The following PHLDB2 variants were observed in gnomAD, a reference collection of about 807,000 sequenced individuals.
The protein encoded by PHLDB2 is pleckstrin homology like domain family B member 2, also known as pleckstrin homology-like domain family B member 2.
Under a neutral mutation model 123.6 loss-of-function variants are expected in PHLDB2, and 71 were observed. The ratio of observed to expected loss-of-function variants is 0.57; its 90% confidence interval spans 0.47 to 0.70. The LOEUF (loss-of-function observed/expected upper bound fraction) is 0.70. Among genes scored for constraint, PHLDB2 ranks in the 30% least tolerant of loss-of-function variants. The pLI is 0.00. For missense variants in PHLDB2, 1,446 were observed against 1,519.5 expected, an observed-to-expected ratio of 0.95 and a Z score of 0.80; for synonymous variants, 547 against 541.6, an observed-to-expected ratio of 1.01 and a Z score of -0.14.
chr3:111,925,131 CA>C (rs1481151329), intron 5 of PHLDB2, among the ~76,000 whole-genome samples: 3 of 152,174 alleles, frequency 2.0e-5, no homozygotes, highest in Non-Finnish European at 2.9e-5. Context: ...GCCCAGACAT[CA>C]GCATTCAAAT....
At chr3:111,764,400 A>G (rs2060043690) in intron 1 of PHLDB2, among the ~76,000 whole-genome samples, 1 of 152,228 alleles carries the variant, frequency 6.6e-6, no homozygotes, top group South Asian at 2.1e-4. Flanking sequence ...AGTACATGGT[A>G]AACTAGCACG....
At position 111,975,073 on chromosome 3, in the gene PHLDB2, T is replaced by A. The variant is rs899406891; in HGVS notation, c.*510T>A. On this transcript the variant is annotated 3_prime_UTR_variant, in exon 18 of 18. Transcript: ENST00000431670. ...TAGGAGGAGTTTTGCCTTAATTTTT[T>A]AAGTACTGCACCAAAACCAAAGAGC... is the stretch of plus-strand genomic sequence containing the variant. The A allele has an allele frequency of 6.6e-6, 1 of 152,648 alleles. No individual in the cohort carries two copies. The highest frequency in any genetic ancestry group is 2.1e-4 in the South Asian group (1 of 4,832). The allele number at this position is 152,648 out of a possible 1,614,324, so 9.5% of individuals were successfully genotyped here. A position where few individuals can be genotyped will look rare whatever the true frequency, so the allele number is the denominator to read the frequency against.
At chr3:111,930,471 G>T (rs985016026) in intron 5 of PHLDB2, among the ~76,000 whole-genome samples, 2 of 152,090 alleles carry the variant, frequency 1.3e-5, no homozygotes, top group Non-Finnish European at 2.9e-5. Context: ...AAACTCTGGT[G>T]ATGCAGTACC....
intron 1 of PHLDB2, among the ~76,000 whole-genome samples, chr3:111,757,304 G>A (rs1424763856): frequency 6.6e-6 from 1 of 152,024 alleles, no homozygotes; most frequent in Non-Finnish European, 1.5e-5. Flanking sequence ...TGTAGATTTG[G>A]TCTTTTCACA....
chr3:111,900,705 A>G (rs2067144876), intron 2 of PHLDB2, among the ~76,000 whole-genome samples: 1 of 152,234 alleles, frequency 6.6e-6, no homozygotes, highest in African/African-American at 2.4e-5. Context: ...ACGCAGAGAC[A>G]TGAAGTGAGC....
intron 1 of PHLDB2, among the ~76,000 whole-genome samples, chr3:111,765,699 T>C (rs1461177883): frequency 6.6e-6 from 1 of 152,218 alleles, no homozygotes; most frequent in Non-Finnish European, 1.5e-5. Flanking sequence ...AGACAGTCTA[T>C]GGTGACATCA....
chr3:111,744,710 G>A lies in PHLDB2; in HGVS notation c.-49+12007G>A, dbSNP rs74866692. ...ATTTTAGCTCTATTCATTACTAGCT[G>A]TGTGAACTTGGGCAAGTCATTTGAC... On this transcript the variant is annotated intron_variant, in intron 1 of 17. Coordinates refer to the PHLDB2 transcript ENST00000393923. Among the ~76,000 whole-genome samples, 269 of 152,306 alleles carry A rather than the reference G, an allele frequency of 1.8e-3. 3 individuals are homozygous for A. The East Asian group carries it at 0.044, about 25-fold the overall frequency.
At chr3:111,869,771 G>T (rs1397885714) in intron 1 of PHLDB2, among the ~76,000 whole-genome samples, 1 of 152,096 alleles carries the variant, frequency 6.6e-6, no homozygotes, top group Admixed American at 6.5e-5. Context: ...GTTGTAATAG[G>T]TTCAGTCTGA....
intron 5 of PHLDB2, among the ~76,000 whole-genome samples, chr3:111,924,536 T>C (rs1027566): frequency 0.85 from 128,738 of 152,322 alleles, 54,900 homozygotes; most frequent in Middle Eastern, 0.92. Flanking sequence ...CCCGTGTGCA[T>C]ATGCCAGGAG....
At chr3:111,845,731 G>C in intron 1 of PHLDB2, 1 of 1,456,998 alleles carries the variant, frequency 6.9e-7, no homozygotes, top group South Asian at 1.2e-5. Context: ...AAACATCTGA[G>C]TTCAACAGAT....
At chr3:111,815,155 G>C (rs529882516) in intron 1 of PHLDB2, among the ~76,000 whole-genome samples, 2 of 152,104 alleles carry the variant, frequency 1.3e-5, no homozygotes, top group East Asian at 3.8e-4. Flanking sequence ...CATCCATGTG[G>C]AACTGTAAGT....
intron 4 of PHLDB2, among the ~76,000 whole-genome samples, chr3:111,919,988 A>G (rs1213291430): frequency 6.6e-6 from 1 of 152,184 alleles, no homozygotes; most frequent in Non-Finnish European, 1.5e-5. Flanking sequence ...CTTGATCTTG[A>G]GCTGAAGCAA....
At chr3:111,880,253 T>C (rs1171628099) in intron 1 of PHLDB2, among the ~76,000 whole-genome samples, 1 of 152,146 alleles carries the variant, frequency 6.6e-6, no homozygotes, top group African/African-American at 2.4e-5. Flanking sequence ...TAGGGTACCA[T>C]AATGAGCCTG....
At chr3:111,836,622 C>A (rs531147754) in intron 1 of PHLDB2, among the ~76,000 whole-genome samples, 6 of 152,196 alleles carry the variant, frequency 3.9e-5, no homozygotes, top group African/African-American at 1.4e-4. Context: ...TAAAGAACCA[C>A]CGGAGTCTGG....
At chr3:111,782,359 A>G (rs1421655136) in intron 1 of PHLDB2, among the ~76,000 whole-genome samples, 1 of 152,092 alleles carries the variant, frequency 6.6e-6, no homozygotes, top group Non-Finnish European at 1.5e-5. Context: ...CAGTGCTCTC[A>G]GTTCCAAAAT....
At chr3:111,889,721 G>T (rs2066371040) in intron 2 of PHLDB2, among the ~76,000 whole-genome samples, 1 of 152,000 alleles carries the variant, frequency 6.6e-6, no homozygotes, top group Admixed American at 6.6e-5. Context: ...CACATTTAAA[G>T]CATTGGAATT....
At chr3:111,736,934 A>T (rs2107908878) in intron 1 of PHLDB2, among the ~76,000 whole-genome samples, 1 of 152,276 alleles carries the variant, frequency 6.6e-6, no homozygotes, top group South Asian at 2.1e-4. Context: ...GTGCCTAGAG[A>T]ACGGTATACA....
intron 1 of PHLDB2, among the ~76,000 whole-genome samples, chr3:111,881,345 G>A (rs769434109): frequency 6.6e-4 from 101 of 152,254 alleles, no homozygotes; most frequent in African/African-American, 2.4e-3. Context: ...GTCGCACTTC[G>A]TATGGGTCCC....
At chr3:111,823,266 A>G (rs923177486) in intron 1 of PHLDB2, among the ~76,000 whole-genome samples, 1 of 152,228 alleles carries the variant, frequency 6.6e-6, no homozygotes, top group African/African-American at 2.4e-5. Context: ...GATGTGGAAT[A>G]GGTGTTCAAT....
Sources: gnomAD v4.1 joint callset for allele counts (sites outside exome capture counted in the v4.1 genomes callset) on GRCh38, gnomAD v4.1.1 for gene constraint, MANE v1.5 for transcripts, NCBI Gene and HGNC (gene_info 2026-07-23, HGNC 2026-07-21) for gene names.